DLGAP2: variants seen among roughly 807,000 people sequenced by gnomAD.
DLGAP2 encodes the protein disks large-associated protein 2.
DLGAP2 carries 26 observed loss-of-function variants against 100.3 expected under a neutral mutation model. The ratio of observed to expected loss-of-function variants is 0.26; its 90% CI spans 0.19 to 0.36. The LOEUF (loss-of-function observed/expected upper bound fraction) is 0.36, where lower values mean the gene tolerates loss of function less well. DLGAP2 is among the 10% of genes least tolerant of loss of function. The probability of loss-of-function intolerance (pLI) is 1.00; values close to 1 mark genes in which losing one functional copy is unlikely to be tolerated. For missense variants in DLGAP2, 1,858 were observed against 1,453.2 expected (o/e 1.28, Z -4.53); for synonymous variants, 886 against 630.1 (o/e 1.41, Z -6.08).
intron 8 of DLGAP2, among the ~76,000 whole-genome samples, chr8:1,653,573 G>A (rs370191261): frequency 2.0e-5 from 3 of 152,230 alleles, no homozygotes; most frequent in Non-Finnish European, 4.4e-5. Context: ...CAGGACCAAC[G>A]GCAGCCCTCT....
chr8:1,440,492 G>A (rs908725412), intron 3 of DLGAP2, among the ~76,000 whole-genome samples: 7 of 152,212 alleles, frequency 4.6e-5, no homozygotes, highest in African/African-American at 1.2e-4. Context: ...TCTTGAGCCA[G>A]CAGAGAGAAA....
intron 2 of DLGAP2, among the ~76,000 whole-genome samples, chr8:1,088,404 C>T (rs900803351): frequency 3.9e-5 from 6 of 152,226 alleles, no homozygotes; most frequent in Middle Eastern, 3.4e-3. Context: ...TCCTCATCTG[C>T]GTGCTGTTGG....
At chr8:1,257,523 G>C (rs55973720) in intron 2 of DLGAP2, among the ~76,000 whole-genome samples, 14,898 of 58,116 alleles carry the variant, frequency 0.26, 1,941 homozygotes, top group African/African-American at 0.49. Flanking sequence ...GTCTGTGCTC[G>C]CTCCCCAGAT....
At chr8:1,596,482 C>G (rs924293910) in intron 6 of DLGAP2, among the ~76,000 whole-genome samples, 4 of 152,162 alleles carry the variant, frequency 2.6e-5, no homozygotes, top group African/African-American at 9.7e-5. Flanking sequence ...AACTTATACT[C>G]CCACCAACAG....
intron 2 of DLGAP2, among the ~76,000 whole-genome samples, chr8:1,057,532 C>A (rs914155379): frequency 6.6e-6 from 1 of 152,222 alleles, no homozygotes; most frequent in Non-Finnish European, 1.5e-5. Flanking sequence ...TGTTGTCTCT[C>A]TAACTTACTG....
At chr8:1,226,830 C>A (rs1471741917) in intron 2 of DLGAP2, among the ~76,000 whole-genome samples, 1 of 151,984 alleles carries the variant, frequency 6.6e-6, no homozygotes, top group African/African-American at 2.4e-5. Flanking sequence ...ACCTCATGCC[C>A]ACCAAATAGC....
chr8:888,991 TA>T (rs1292048077), intron 1 of DLGAP2, among the ~76,000 whole-genome samples: 9 of 152,122 alleles, frequency 5.9e-5, no homozygotes, highest in Non-Finnish European at 8.8e-5. Flanking sequence ...TGAAGGGAGA[TA>T]GGGGTGGGGC....
At chr8:1,411,468 T>G (rs537896459) in intron 3 of DLGAP2, among the ~76,000 whole-genome samples, 1 of 152,326 alleles carries the variant, frequency 6.6e-6, no homozygotes, top group South Asian at 2.1e-4. Context: ...GCCGAAGATA[T>G]AACTCCATCC....
chr8:1,007,432 G>A (rs1801151124), intron 2 of DLGAP2, among the ~76,000 whole-genome samples: 1 of 152,206 alleles, frequency 6.6e-6, no homozygotes, highest in Non-Finnish European at 1.5e-5. Flanking sequence ...GGCCATCATG[G>A]CCCATTTTAC....
intron 2 of DLGAP2, among the ~76,000 whole-genome samples, chr8:1,195,549 C>A (rs931717763): frequency 1.3e-5 from 2 of 152,196 alleles, no homozygotes. Flanking sequence ...TACTTGGTAC[C>A]TTCCTAAAAA....
intron 6 of DLGAP2, among the ~76,000 whole-genome samples, chr8:1,599,402 A>C (rs4876102): frequency 0.46 from 70,228 of 151,904 alleles, 16,517 homozygotes; most frequent in African/African-American, 0.55. Context: ...AGCTGAATTG[A>C]AGTCCTGAAT....
intron 8 of DLGAP2, among the ~76,000 whole-genome samples, chr8:1,649,745 G>C (rs1415821707): frequency 6.6e-6 from 1 of 152,206 alleles, no homozygotes; most frequent in South Asian, 2.1e-4. Flanking sequence ...TAGGTATTAA[G>C]ATAGAGGATC....
chr8:1,416,278 G>A (rs940453880), intron 3 of DLGAP2, among the ~76,000 whole-genome samples: 9 of 152,194 alleles, frequency 5.9e-5, no homozygotes, highest in African/African-American at 2.2e-4. Context: ...GCGGGGGATT[G>A]TAGGTTCCCG....
chr8:923,701 A>T (rs866887413), intron 2 of DLGAP2, among the ~76,000 whole-genome samples: 2 of 152,198 alleles, frequency 1.3e-5, no homozygotes, highest in African/African-American at 4.8e-5. Context: ...GTTTAATTTG[A>T]ACTGAATTGA....
intron 3 of DLGAP2, among the ~76,000 whole-genome samples, chr8:1,467,410 C>G (rs1798657244): frequency 6.6e-6 from 1 of 151,246 alleles, no homozygotes; most frequent in Non-Finnish European, 1.5e-5. Context: ...CCTCAGGACA[C>G]CTCCCAGGAG....
At chr8:831,377 C>T (rs190048365) in intron 1 of DLGAP2, among the ~76,000 whole-genome samples, 39 of 152,160 alleles carry the variant, frequency 2.6e-4, no homozygotes, top group South Asian at 4.2e-4. Flanking sequence ...CCCCCCATCC[C>T]GCAACAGGCC....
intron 4 of DLGAP2, among the ~76,000 whole-genome samples, chr8:1,505,414 A>G (rs139530078): frequency 6.6e-6 from 1 of 152,350 alleles, no homozygotes; most frequent in African/African-American, 2.4e-5. Flanking sequence ...TCAGTCTTCA[A>G]AAGCTCCAAG....
At chr8:845,245 G>C (rs986855616) in intron 1 of DLGAP2, among the ~76,000 whole-genome samples, 4 of 152,196 alleles carry the variant, frequency 2.6e-5, no homozygotes, top group Non-Finnish European at 5.9e-5. Context: ...TGCAGCATGA[G>C]TTTACGTTTC....
chr8:804,988 C>G (rs964661103), intron 1 of DLGAP2, among the ~76,000 whole-genome samples: 1 of 152,076 alleles, frequency 6.6e-6, no homozygotes, highest in African/African-American at 2.4e-5. Flanking sequence ...CCAGGCTGGT[C>G]TTGGATTCCC....
Sources: allele counts gnomAD v4.1 joint callset (sites outside exome capture counted in the v4.1 genomes callset), GRCh38; gene constraint gnomAD v4.1.1; transcripts MANE v1.5; gene names NCBI Gene and HGNC (gene_info 2026-07-23, HGNC 2026-07-21).